The following PRKCB variants were observed in gnomAD, a reference collection of about 807,000 sequenced individuals.
PRKCB encodes protein kinase C beta type.
PRKCB carries 13 observed loss-of-function variants against 81.5 expected under a neutral mutation model. The observed-to-expected ratio is 0.16, with a 90% confidence interval of 0.10 to 0.25. The LOEUF is 0.25. Among genes scored for constraint, PRKCB ranks in the 10% least tolerant of loss-of-function variants. The pLI, the probability that PRKCB is intolerant of heterozygous loss-of-function variation, is 1.00. For synonymous variants in PRKCB, 335 were observed against 321.4 expected, an observed-to-expected ratio of 1.04 and a Z score of -0.45; for missense variants, 509 against 875.7, an observed-to-expected ratio of 0.58 and a Z score of 5.29.
intron 3 of PRKCB, among the ~76,000 whole-genome samples, chr16:24,012,055 C>T (rs1965209827): frequency 6.6e-6 from 1 of 152,130 alleles, no homozygotes; most frequent in African/African-American, 2.4e-5. Context: ...GTCTTTGATC[C>T]TTTTCACTCC....
chr16:23,854,256 A>G (rs1220060669), intron 2 of PRKCB, among the ~76,000 whole-genome samples: 1 of 152,132 alleles, frequency 6.6e-6, no homozygotes, highest in Non-Finnish European at 1.5e-5. Context: ...CTGACTTGTT[A>G]TATAGAAGAA....
chr16:23,988,439 C>G (rs892325206), intron 2 of PRKCB, 69 bp from the exon 3 acceptor site: 5 of 1,267,954 alleles, frequency 3.9e-6, no homozygotes, highest in Non-Finnish European at 5.7e-6. Flanking sequence ...TCTCTTCCTC[C>G]CTTTCTCTCT....
chr16:24,207,199 A>G (rs1378945521), intron 16 of PRKCB, among the ~76,000 whole-genome samples: 2 of 152,218 alleles, frequency 1.3e-5, no homozygotes, highest in African/African-American at 4.8e-5. Flanking sequence ...TGTTTTACTA[A>G]GATGAAGCAT....
Position 24,172,282 on chromosome 16 carries a change from T to C in PRKCB, c.1252T>C (p.Phe418Leu), listed in dbSNP as rs1567401110. 6.2e-7 allele frequency: 1 copy of C among 1,613,958 alleles called. No individual in the cohort carries two copies. Among genetic ancestry groups the C allele is most frequent in the Non-Finnish European group, 8.5e-7 (1 of 1,179,922 alleles). Residue 418 changes from phenylalanine (F) to leucine (L), a missense_variant, in exon 11 of 17, where the codon TTT becomes CTT. By Grantham distance (22) the Phe-to-Leu change is conservative (BLOSUM62 0). This residue lies in a region of PRKCB where 106 missense variants were observed against 214.0 expected (regional missense o/e 0.50). Transcript: ENST00000643927. ...SCFQTMDRLY[F>L]VMEYVNGGDL... ...TGTCCTCTTCCAGGACCGCCTGTAC[T>C]TTGTGATGGAGTACGTGAATGGGGG... is the stretch of plus-strand genomic sequence containing the variant.
chr16:23,942,507 C>T (rs1229041297), intron 2 of PRKCB, among the ~76,000 whole-genome samples: 1 of 152,166 alleles, frequency 6.6e-6, no homozygotes, highest in Non-Finnish European at 1.5e-5. Flanking sequence ...CATTGAGAAG[C>T]ACTAGAAAGG....
chr16:24,212,162 TC>T (rs1038418121), intron 16 of PRKCB, among the ~76,000 whole-genome samples: 4 of 152,280 alleles, frequency 2.6e-5, no homozygotes, highest in Admixed American at 2.6e-4. Context: ...CTGGGGTTTC[TC>T]CCAGTCCTTA....
chr16:24,085,570 T>C (rs1001689242), intron 5 of PRKCB, among the ~76,000 whole-genome samples: 1 of 152,210 alleles, frequency 6.6e-6, no homozygotes, highest in African/African-American at 2.4e-5. Flanking sequence ...ACAACAGTTC[T>C]AAATTGAGGT....
chr16:23,876,664 G>T (rs896535326), intron 2 of PRKCB, among the ~76,000 whole-genome samples: 2 of 152,046 alleles, frequency 1.3e-5, no homozygotes, highest in Admixed American at 1.3e-4. Context: ...GTGTGGTTTG[G>T]TGATCTCACT....
chr16:23,860,373 G>GCGTTCTCTATCAACCTCAA (rs1274388798), intron 2 of PRKCB, among the ~76,000 whole-genome samples: 4 of 152,144 alleles, frequency 2.6e-5, no homozygotes, highest in African/African-American at 9.7e-5. Context: ...AGAGAATTAT[G>GCGTTCTCTATCAACCTCAA]CGTTGGGTAT....
At chr16:24,089,329 C>CT (rs1471684316) in intron 5 of PRKCB, among the ~76,000 whole-genome samples, 1 of 152,124 alleles carries the variant, frequency 6.6e-6, no homozygotes, top group Admixed American at 6.5e-5. Flanking sequence ...CATGAGTCCT[C>CT]TGAGTAATTT....
intron 3 of PRKCB, among the ~76,000 whole-genome samples, chr16:24,014,602 G>A (rs1005048729): frequency 2.0e-5 from 3 of 152,164 alleles, no homozygotes; most frequent in African/African-American, 7.2e-5. Context: ...CTACATGCCA[G>A]TCACTGTGCC....
intron 2 of PRKCB, among the ~76,000 whole-genome samples, chr16:23,969,666 C>G (rs905907598): frequency 2.0e-5 from 3 of 152,184 alleles, no homozygotes; most frequent in African/African-American, 7.2e-5. Context: ...TAATTGCCAT[C>G]ATCGTCATCA....
chr16:24,094,169 G>A lies in PRKCB; in HGVS notation c.693G>A (p.Leu231=). 1 of 1,613,830 alleles carries A rather than the reference G, an allele frequency of 6.2e-7. No homozygotes were observed. Among genetic ancestry groups the A allele is most frequent in the Non-Finnish European group, 8.5e-7 (1 of 1,179,892 alleles). ...TTTCTTTTTCTCTATGCAGTCAGCT[G>A]AAAGAATCGGACAAAGACAGAAGAC... The part of the protein sequence containing the change: ...PEWNETFRFQ[L]KESDKDRRLS... The change falls in exon 7 of 17, where the codon CTG becomes CTA. Residue 231 remains leucine, a synonymous_variant. Coordinates refer to ENST00000643927, the MANE Select transcript of PRKCB (RefSeq NM_002738.7).
intron 9 of PRKCB, among the ~76,000 whole-genome samples, chr16:24,124,898 G>A (rs1051288266): frequency 6.6e-6 from 1 of 152,124 alleles, no homozygotes; most frequent in African/African-American, 2.4e-5. Context: ...GGCGAATTCT[G>A]ACAGTTCCTT....
chr16:23,959,917 T>C (rs537185363), intron 2 of PRKCB, among the ~76,000 whole-genome samples: 1 of 152,360 alleles, frequency 6.6e-6, no homozygotes, highest in East Asian at 1.9e-4. Flanking sequence ...TGACATGCTG[T>C]AGCACTGTTG....
At chr16:24,114,539 G>A (rs1448172896) in intron 8 of PRKCB, among the ~76,000 whole-genome samples, 4 of 151,968 alleles carry the variant, frequency 2.6e-5, no homozygotes, top group African/African-American at 9.7e-5. Flanking sequence ...TTCCTTCTAC[G>A]GGGACAAATA....
In PRKCB at chr16:23,924,973, T is replaced by C. The variant is rs140628011; in HGVS notation, c.206-63535T>C. On this transcript the variant is annotated intron_variant, in intron 2 of 16. Transcript: ENST00000643927. ...TATATAGGTTCATTCTGGACCTGGG[T>C]AAAATGATTTACGGACTGGGACCAA... Among the ~76,000 whole-genome samples the C allele has an allele frequency of 1.7e-3, 252 of 152,196 alleles. 1 individual carries two copies. Among genetic ancestry groups the C allele is most frequent in the African/African-American group, 5.9e-3 (247 of 41,546 alleles).
intron 11 of PRKCB, among the ~76,000 whole-genome samples, chr16:24,172,648 C>T (rs1412934159): frequency 6.6e-6 from 1 of 151,944 alleles, no homozygotes; most frequent in African/African-American, 2.4e-5. Flanking sequence ...GAGTTAGAGG[C>T]CAGCCTGGGC....
At chr16:24,209,791 A>G (rs1968110274) in intron 16 of PRKCB, among the ~76,000 whole-genome samples, 1 of 151,732 alleles carries the variant, frequency 6.6e-6, no homozygotes, top group Admixed American at 6.6e-5. Flanking sequence ...CTTGTACACC[A>G]CACCAGTGAT....
Sources: gnomAD v4.1 joint callset for allele counts (sites outside exome capture counted in the v4.1 genomes callset) on GRCh38, gnomAD v4.1.1 for gene constraint, gnomAD v4.1.1 regional missense constraint, MANE v1.5 for transcripts, NCBI Gene and HGNC (gene_info 2026-07-23, HGNC 2026-07-21) for gene names.